The following CTIF variants were observed in gnomAD, a reference collection of about 807,000 sequenced individuals.
CTIF encodes the protein CBP80/20-dependent translation initiation factor.
A neutral mutation model predicts 66.0 loss-of-function variants in CTIF; 21 were observed. That is an observed-to-expected ratio of 0.32 (90% CI 0.23 to 0.46). CTIF has a LOEUF of 0.46. Among genes scored for constraint, CTIF ranks in the 20% least tolerant of loss-of-function variants. CTIF has a pLI of 1.00. For synonymous variants in CTIF, 345 were observed against 326.4 expected (o/e 1.06, Z -0.62); for missense variants, 739 against 812.7 (o/e 0.91, Z 1.10).
Position 48,823,618 on chromosome 18 carries a change from C to G in CTIF, c.1527+6242C>G, listed in dbSNP as rs7235522. 4.1e-3 allele frequency among the ~76,000 whole-genome samples: 631 copies of G among 152,256 alleles called. 5 individuals carry two copies. Among genetic ancestry groups the G allele is most frequent in the African/African-American group, 0.014 (601 of 41,546 alleles). On this transcript the variant is annotated intron_variant, in intron 10 of 11. Transcript: ENST00000256413. ...TGTGATTGCCTCAAGCTTTGTTCTT[C>G]TTCACTCAAGATTGCTTTGGCTATT...
At chr18:48,623,314 GC>G in intron 2 of CTIF, among the ~76,000 whole-genome samples, 1 of 152,356 alleles carries the variant, frequency 6.6e-6, no homozygotes, top group South Asian at 2.1e-4. Context: ...AGGCCTGCCT[GC>G]TGCTGCCGGA....
intron 2 of CTIF, among the ~76,000 whole-genome samples, chr18:48,620,375 G>A (rs1350123775): frequency 6.6e-6 from 1 of 152,224 alleles, no homozygotes; most frequent in Non-Finnish European, 1.5e-5. Flanking sequence ...AGATTTGAAA[G>A]TCTTGGCTTC....
At chr18:48,804,749 CACCCAGG>C (rs1375469340) in intron 9 of CTIF, among the ~76,000 whole-genome samples, 3 of 152,168 alleles carry the variant, frequency 2.0e-5, no homozygotes, top group African/African-American at 7.2e-5. Flanking sequence ...CATGGGCTGC[CACCCAGG>C]ACCCGGGCAA....
intron 2 of CTIF, among the ~76,000 whole-genome samples, chr18:48,630,739 G>C (rs867041815): frequency 1.3e-5 from 2 of 151,240 alleles, no homozygotes; most frequent in African/African-American, 4.9e-5. Flanking sequence ...GCGGTGGCGC[G>C]ATCTCTGCTT....
chr18:48,833,708 C>T (rs531189364), intron 10 of CTIF, among the ~76,000 whole-genome samples: 42 of 152,246 alleles, frequency 2.8e-4, no homozygotes, highest in Admixed American at 1.2e-3. Context: ...GTCACTGGCG[C>T]CACCAAACTC....
intron 7 of CTIF, among the ~76,000 whole-genome samples, chr18:48,741,581 C>A (rs546020937): frequency 1.3e-5 from 2 of 152,136 alleles, no homozygotes; most frequent in South Asian, 4.1e-4. Flanking sequence ...TACCACCATG[C>A]CTGGCTAATT....
chr18:48,597,635 G>A (rs1315457975), intron 1 of CTIF, among the ~76,000 whole-genome samples: 2 of 150,694 alleles, frequency 1.3e-5, no homozygotes, highest in Non-Finnish European at 2.9e-5. Context: ...TGCCATGAGT[G>A]AAAGCTCCCT....
intron 1 of CTIF, among the ~76,000 whole-genome samples, chr18:48,584,586 A>G (rs1304485826): frequency 6.6e-6 from 1 of 152,176 alleles, no homozygotes; most frequent in African/African-American, 2.4e-5. Context: ...ACCCACTTCT[A>G]GACAAGGAAA....
chr18:48,735,197 CCTGGA>C (rs2092490101), intron 7 of CTIF, among the ~76,000 whole-genome samples: 1 of 152,066 alleles, frequency 6.6e-6, no homozygotes, highest in East Asian at 1.9e-4. Flanking sequence ...AAGAAGCCTT[CCTGGA>C]GGAGGTGGAA....
chr18:48,708,571 T>C (rs540909269), intron 6 of CTIF, among the ~76,000 whole-genome samples: 1 of 152,222 alleles, frequency 6.6e-6, no homozygotes, highest in Non-Finnish European at 1.5e-5. Flanking sequence ...ACATTGAGGC[T>C]GAGGCCCCAG....
intron 9 of CTIF, among the ~76,000 whole-genome samples, chr18:48,786,413 A>C (rs1911710992): frequency 6.6e-6 from 1 of 152,224 alleles, no homozygotes; most frequent in Non-Finnish European, 1.5e-5. Flanking sequence ...TTCAAATCCC[A>C]GCTCCACTAC....
chr18:48,855,167 G>T (rs558103068), intron 10 of CTIF, among the ~76,000 whole-genome samples: 1 of 152,270 alleles, frequency 6.6e-6, no homozygotes, highest in East Asian at 1.9e-4. Flanking sequence ...TGCCACCTCG[G>T]CATCTCTCTA....
At chr18:48,684,403 T>C (rs1205566607) in intron 6 of CTIF, among the ~76,000 whole-genome samples, 3 of 152,086 alleles carry the variant, frequency 2.0e-5, no homozygotes, top group African/African-American at 4.8e-5. Context: ...GTTTTTACTA[T>C]TTTTTTCTAG....
rs2069403340 is a variant in CTIF, at chr18:48,859,303, T to C, written c.1582-41T>C. 1.9e-6 allele frequency: 3 copies of C among 1,581,572 alleles called. No homozygotes were observed. The South Asian group carries it at 3.3e-5, about 17-fold the overall frequency. ...AATCAGGGTGGCCAGTGGGCCACTG[T>C]GGGACCCGAGGCCATCCTAACCCCA... On this transcript the variant is annotated intron_variant, in intron 11 of 11. Transcript: ENST00000256413.
chr18:48,762,362 G>GC (rs1909091954), intron 9 of CTIF, among the ~76,000 whole-genome samples: 1 of 152,198 alleles, frequency 6.6e-6, no homozygotes, highest in Non-Finnish European at 1.5e-5. Context: ...GTAGGCGCGT[G>GC]CACTTGGACG....
intron 9 of CTIF, among the ~76,000 whole-genome samples, chr18:48,780,233 G>A (rs1911077033): frequency 6.6e-6 from 1 of 152,230 alleles, no homozygotes; most frequent in South Asian, 2.1e-4. Flanking sequence ...TGATTAAGAA[G>A]TGAGGACCCT....
At chr18:48,605,179 G>A (rs1012637773) in intron 1 of CTIF, among the ~76,000 whole-genome samples, 2 of 152,132 alleles carry the variant, frequency 1.3e-5, no homozygotes, top group African/African-American at 2.4e-5. Flanking sequence ...TATGTTTAAT[G>A]GTTCAAGAAA....
chr18:48,603,413 TGATG>T (rs1455006127), intron 1 of CTIF, among the ~76,000 whole-genome samples: 3 of 60,422 alleles, frequency 5.0e-5, no homozygotes, highest in African/African-American at 1.9e-4. Flanking sequence ...ATGAGTGGAT[TGATG>T]GATGGATGGC....
chr18:48,684,197 G>T (rs1245374864), intron 6 of CTIF, among the ~76,000 whole-genome samples: 1 of 152,186 alleles, frequency 6.6e-6, no homozygotes, highest in Non-Finnish European at 1.5e-5. Flanking sequence ...GTAGGCTGGG[G>T]CGACCTCATG....
Sources: allele counts gnomAD v4.1 joint callset (sites outside exome capture counted in the v4.1 genomes callset), GRCh38; gene constraint gnomAD v4.1.1; transcripts MANE v1.5; gene names NCBI Gene and HGNC (gene_info 2026-07-23, HGNC 2026-07-21).